The following POLA2 variants were observed in gnomAD, a reference collection of about 807,000 sequenced individuals.
POLA2 encodes DNA polymerase alpha 2, accessory subunit.
Under a neutral mutation model 82.8 loss-of-function variants are expected in POLA2, and 47 were observed. The observed-to-expected ratio is 0.57, with a 90% CI of 0.45 to 0.72. The LOEUF (loss-of-function observed/expected upper bound fraction) is 0.72. Ranked by LOEUF, POLA2 falls within the 30% of genes least tolerant of loss-of-function variation. POLA2 has a pLI of 0.00. For missense variants in POLA2, 634 were observed against 728.1 expected (o/e 0.87, Z 1.49); for synonymous variants, 287 against 286.8 (o/e 1.00, Z -0.01).
At chr11:65,289,149 T>A in intron 12 of POLA2, 61 bp downstream of exon 12, 1 of 1,381,550 alleles carries the variant, frequency 7.2e-7, no homozygotes, top group Non-Finnish European at 1.0e-6. Context: ...CTCTCACTTT[T>A]CATTTTTTAG....
In POLA2 at chr11:65,281,016, A is replaced by C. The variant is rs747543799; in HGVS notation, c.769A>C (p.Ile257Leu). ...GGAGCCTGTCACTCTGCTGGGCCAG[A>C]TTGGCTGTGATAGCAACGGGAAGCT... ...AQEPVTLLGQ[I>L]GCDSNGKLNN... The change falls in exon 8 of 18, where the codon ATT becomes CTT. Residue 257 changes from isoleucine (I) to leucine (L), a missense_variant. Ile to Leu is a conservative substitution (Grantham distance 5). Transcript: ENST00000265465. 1 of 1,613,878 alleles carries C rather than the reference A, an allele frequency of 6.2e-7. No individual in the cohort carries two copies. Among genetic ancestry groups the C allele is most frequent in the African/African-American group, 1.3e-5 (1 of 74,910 alleles).
intron 8 of POLA2, among the ~76,000 whole-genome samples, chr11:65,304,145 C>T (rs892593662): frequency 2.6e-5 from 4 of 152,118 alleles, no homozygotes; most frequent in East Asian, 1.9e-4. Context: ...TTGCTATCCC[C>T]GGCATCCTAC....
rs184394146 is a variant in POLA2, at chr11:65,297,545, G to A, written c.*276G>A. On this transcript the variant is annotated 3_prime_UTR_variant, in exon 18 of 18. Coordinates refer to ENST00000265465, the MANE Select transcript of POLA2 (RefSeq NM_002689.4). ...TGGATCCCGCCCACTCAGAAAAGGC[G>A]AGAAGGCTTTGTGATTTTCTACATG... 1.9e-4 allele frequency: 61 copies of A among 320,078 alleles called. No homozygotes were observed. Among genetic ancestry groups the A allele is most frequent in the African/African-American group, 1.1e-3 (53 of 46,820 alleles). The allele number at this position is 320,078 out of a possible 1,614,324, so 19.8% of individuals were successfully genotyped here. A position where few individuals can be genotyped will look rare whatever the true frequency, so the allele number is the denominator to read the frequency against.
chr11:65,271,657 C>T (rs1949522262), intron 4 of POLA2, among the ~76,000 whole-genome samples: 1 of 151,290 alleles, frequency 6.6e-6, no homozygotes, highest in South Asian at 2.1e-4. Flanking sequence ...GTCAGGAGTT[C>T]GAGACCAGCG....
downstream of POLA2, among the ~76,000 whole-genome samples, chr11:65,300,499 G>A (rs1284216528): frequency 1.3e-5 from 2 of 152,110 alleles, no homozygotes; most frequent in African/African-American, 4.8e-5. Flanking sequence ...TGATCCACTC[G>A]CCTCGGCCTC....
At chr11:65,273,671 A>C (rs922851602) in intron 4 of POLA2, among the ~76,000 whole-genome samples, 3 of 152,074 alleles carry the variant, frequency 2.0e-5, no homozygotes, top group Non-Finnish European at 4.4e-5. Context: ...TAATTATAAA[A>C]AAAATAAAGG....
Position 65,289,051 on chromosome 11 carries a change from T to A in POLA2, c.1133T>A (p.Phe378Tyr), listed in dbSNP as rs1473082041. Residue 378 changes from phenylalanine to tyrosine, a missense_variant and splice_region_variant, in exon 12 of 18, where the codon TTT (phenylalanine) becomes TAT (tyrosine). Coordinates refer to ENST00000265465, the MANE Select transcript of POLA2 (RefSeq NM_002689.4). ...NHDRPDVCIL[F>Y]GPFLDAKHEQ... Reference sequence around the variant, plus strand: ...GTGTCTTTGTTTCTCCCCTTGCAGTTTGGCCCTTTCCTGGATGCTAAGCAT... The same window carrying A: ...GTGTCTTTGTTTCTCCCCTTGCAGTATGGCCCTTTCCTGGATGCTAAGCAT... 1.2e-6 allele frequency: 2 copies of A among 1,613,688 alleles called. No individual in the cohort carries two copies. Among genetic ancestry groups the A allele is most frequent in the South Asian group, 2.2e-5 (2 of 90,958 alleles).
chr11:65,273,146 C>T (rs1949539941), intron 4 of POLA2, among the ~76,000 whole-genome samples: 3 of 151,432 alleles, frequency 2.0e-5, no homozygotes, highest in Admixed American at 2.0e-4. Context: ...ATGGCAAAAC[C>T]CCATCTCTAC....
intron 4 of POLA2, among the ~76,000 whole-genome samples, chr11:65,271,540 TAGG>T (rs1251426322): frequency 1.3e-5 from 2 of 152,150 alleles, no homozygotes; most frequent in Non-Finnish European, 2.9e-5. Flanking sequence ...TGGAAATACT[TAGG>T]AGACTAAATT....
rs569403863 is a variant in POLA2 at position 65,275,234 on chromosome 11, G to A, written c.355-658G>A. On this transcript the variant is annotated intron_variant, in intron 4 of 17. Coordinates refer to ENST00000265465, the MANE Select transcript of POLA2 (RefSeq NM_002689.4). Reference sequence around the variant, plus strand: ...AAAGCTGCAGACTAGCTGGCTTCCTGGCTGCTATCCAGGCAAGGATTTTGT... The same window carrying A: ...AAAGCTGCAGACTAGCTGGCTTCCTAGCTGCTATCCAGGCAAGGATTTTGT... Among the ~76,000 whole-genome samples, 7 of 152,266 alleles carry A rather than the reference G, an allele frequency of 4.6e-5. No individual in the cohort carries two copies. The South Asian group carries it at 1.5e-3, about 32-fold the overall frequency.
intron 14 of POLA2, 112 bp from the exon 15 acceptor site, chr11:65,294,434 G>C: frequency 5.9e-6 from 6 of 1,025,504 alleles, no homozygotes; most frequent in Non-Finnish European, 9.0e-6. Context: ...ATGTATGTTG[G>C]TTTGGTCCCC....
intron 6 of POLA2, 41 bp downstream of exon 6, chr11:65,278,964 C>T (rs1374944357): frequency 4.5e-6 from 7 of 1,568,378 alleles, no homozygotes; most frequent in Non-Finnish European, 6.1e-6. Flanking sequence ...GATATAAAAC[C>T]ACCTAGAAGG....
chr11:65,285,472 G>A (rs1465826689), intron 10 of POLA2, among the ~76,000 whole-genome samples: 1 of 151,308 alleles, frequency 6.6e-6, no homozygotes, highest in Admixed American at 6.6e-5. Context: ...GAAGGCTAAG[G>A]TGGGAGGATC....
At chr11:65,273,561 C>A (rs1370373748) in intron 4 of POLA2, among the ~76,000 whole-genome samples, 1 of 152,104 alleles carries the variant, frequency 6.6e-6, no homozygotes, top group Non-Finnish European at 1.5e-5. Context: ...CCCTGCCCCA[C>A]AACACTGGCC....
downstream of POLA2, among the ~76,000 whole-genome samples, chr11:65,301,454 T>C (rs1308964792): frequency 3.3e-5 from 5 of 150,738 alleles, no homozygotes; most frequent in Admixed American, 2.0e-4. Context: ...GGGAGGGGCC[T>C]GGGTCTGTTG....
At chr11:65,279,392 G>A (rs922228990) in intron 6 of POLA2, 146 bp from the exon 7 acceptor site, 1 of 610,806 alleles carries the variant, frequency 1.6e-6, no homozygotes, top group Non-Finnish European at 2.9e-6. Flanking sequence ...AAAGGTTTTA[G>A]AAGGTTTAAA....
chr11:65,264,959 G>A (rs952165357), intron 1 of POLA2, among the ~76,000 whole-genome samples: 12 of 152,144 alleles, frequency 7.9e-5, no homozygotes, highest in Non-Finnish European at 1.3e-4. Context: ...GGCCGGGTGC[G>A]GTGGCTCACG....
At chr11:65,280,843 C>G in intron 7 of POLA2, 149 bp from the exon 8 acceptor site, 3 of 680,770 alleles carry the variant, frequency 4.4e-6, no homozygotes, top group East Asian at 5.5e-5. Context: ...TCAGTGATGA[C>G]GCGGTAGTCA....
In POLA2 at chr11:65,297,423, G is replaced by C. The variant is rs1410443105; in HGVS notation, c.*154G>C. The C allele has an allele frequency of 2.4e-6, 2 of 829,734 alleles. No homozygotes were observed. The highest frequency in any genetic ancestry group is 3.5e-6 in the Non-Finnish European group (2 of 576,628). The allele number at this position is 829,734 out of a possible 1,614,324, so 51.4% of individuals were successfully genotyped here. On this transcript the variant is annotated 3_prime_UTR_variant, in exon 18 of 18. Transcript: ENST00000265465. ...CTGCAGTGACCAGGCCCAGCAGGGAGGACTTGTGCAGCCGGGCCTGCCTCT... is the reference window on the plus strand; with the variant it reads ...CTGCAGTGACCAGGCCCAGCAGGGACGACTTGTGCAGCCGGGCCTGCCTCT...
Sources: gnomAD v4.1 joint callset for allele counts (sites outside exome capture counted in the v4.1 genomes callset) on GRCh38, gnomAD v4.1.1 for gene constraint, MANE v1.5 for transcripts, NCBI Gene and HGNC (gene_info 2026-07-23, HGNC 2026-07-21) for gene names.